Variants in ELMOD3 observed in about 807,000 individuals in gnomAD.
The protein encoded by ELMOD3 is ELMO domain containing 3, also known as ELMO domain-containing protein 3.
A neutral mutation model predicts 47.4 loss-of-function variants in ELMOD3; 36 were observed. The observed-to-expected ratio is 0.76, with a 90% CI of 0.58 to 1.00. The LOEUF is 1.00. ELMOD3 is among the 50% of genes least tolerant of loss of function. The pLI, the probability that ELMOD3 is intolerant of heterozygous loss-of-function variation, is 0.00. For missense variants in ELMOD3, 404 were observed against 463.8 expected (o/e 0.87, Z 1.18); for synonymous variants, 149 against 183.5 (o/e 0.81, Z 1.52).
In ELMOD3 at chr2:85,357,402, C is replaced by T. The variant is rs563488059; in HGVS notation, c.54+150C>T. 3.5e-4 allele frequency: 164 copies of T among 469,236 alleles called. No individual in the cohort carries two copies. In the South Asian group the frequency reaches 6.6e-3, roughly 19 times the overall value. 29.1% of individuals were successfully genotyped at this position (469,236 alleles called of 1,614,324 possible). On this transcript the variant is annotated intron_variant, in intron 4 of 13. Coordinates refer to ENST00000409013, the MANE Select transcript of ELMOD3 (RefSeq NM_001135022.2). ...TGTAAGAAGGAGCTTCTATTCACCT[C>T]AGGGTCAATTGCTTTTCCTAATAGC...
chr2:85,375,265 G>C (rs1685089837), intron 10 of ELMOD3, among the ~76,000 whole-genome samples: 1 of 152,146 alleles, frequency 6.6e-6, no homozygotes, highest in South Asian at 2.1e-4. Context: ...ACTTTCTTCA[G>C]CTCCACACTT....
rs1274426079 is a variant in ELMOD3, at chr2:85,391,651, C to T, written c.*689C>T. The T allele has an allele frequency of 3.3e-5, 5 of 152,746 alleles. No individual in the cohort carries two copies. Among genetic ancestry groups the T allele is most frequent in the Non-Finnish European group, 7.3e-5 (5 of 68,136 alleles). The allele number at this position is 152,746 out of a possible 1,614,324, so 9.5% of individuals were successfully genotyped here. On this transcript the variant is annotated 3_prime_UTR_variant, in exon 14 of 14. Coordinates refer to ENST00000409013, the MANE Select transcript of ELMOD3 (RefSeq NM_001135022.2). ...TAGCCCCCACAAGCTGGGGCTTCCTCCTGTAGATGCTGTGCATGCCCCATG... is the reference window on the plus strand; with the variant it reads ...TAGCCCCCACAAGCTGGGGCTTCCTTCTGTAGATGCTGTGCATGCCCCATG...
chr2:85,365,045 A>T (rs1684276833), intron 6 of ELMOD3, among the ~76,000 whole-genome samples: 1 of 149,942 alleles, frequency 6.7e-6, no homozygotes, highest in Non-Finnish European at 1.5e-5. Flanking sequence ...CCTGGCTCAA[A>T]TGATCCTCCC....
intron 10 of ELMOD3, among the ~76,000 whole-genome samples, chr2:85,373,439 A>G (rs181491909): frequency 7.1e-6 from 1 of 140,788 alleles, no homozygotes; most frequent in African/African-American, 2.7e-5. Context: ...ATCAACAAAC[A>G]TAATTTTTTT....
intron 4 of ELMOD3, among the ~76,000 whole-genome samples, chr2:85,358,760 C>T (rs928981633): frequency 1.3e-5 from 2 of 151,862 alleles, no homozygotes; most frequent in African/African-American, 4.8e-5. Flanking sequence ...AATACATTCA[C>T]ATGGTTCAAA....
At chr2:85,369,574 C>T (rs947729848) in intron 7 of ELMOD3, among the ~76,000 whole-genome samples, 165 bp from the exon 8 acceptor site, 2 of 152,166 alleles carry the variant, frequency 1.3e-5, no homozygotes, top group Admixed American at 6.5e-5. Flanking sequence ...TCCTCTTCGC[C>T]GACAATGCCA....
intron 11 of ELMOD3, chr2:85,386,994 C>G (rs1303315148): frequency 8.2e-7 from 1 of 1,220,356 alleles, no homozygotes; most frequent in African/African-American, 1.6e-5. Context: ...AAGAGCGAAA[C>G]TCCGTCTCAA....
In ELMOD3 at chr2:85,376,517, A is replaced by G. The variant is rs985658008; in HGVS notation, c.608-827A>G. Among the ~76,000 whole-genome samples the G allele has an allele frequency of 1.3e-5, 2 of 152,106 alleles. No individual in the cohort carries two copies. Among genetic ancestry groups the G allele is most frequent in the Non-Finnish European group, 2.9e-5 (2 of 67,996 alleles). On this transcript the variant is annotated intron_variant, in intron 10 of 13. Transcript: ENST00000409013. The surrounding 1 kb of genome is among the most constrained non-coding windows in gnomAD (Gnocchi z 4.2). ...CTATGTGGCTTCCACATTGCAGAGGAGGCAAGGGGGCTCCTTACCACTGGG... is the reference window on the plus strand; with the variant it reads ...CTATGTGGCTTCCACATTGCAGAGGGGGCAAGGGGGCTCCTTACCACTGGG...
Position 85,366,124 on chromosome 2 carries a change from A to ATTT in ELMOD3, c.200-2546_200-2544dup, listed in dbSNP as rs566714087. On this transcript the variant is annotated intron_variant, in intron 6 of 13. Coordinates refer to ENST00000409013, the MANE Select transcript of ELMOD3 (RefSeq NM_001135022.2). ...CAGGCATCTGCCACATACCCAGCTA[A>ATTT]TTTTTTTTTTTTTTTTTTGTATTTT... is the stretch of plus-strand genomic sequence containing the variant. Among the ~76,000 whole-genome samples, 246 of 135,590 alleles carry ATTT rather than the reference A, an allele frequency of 1.8e-3. 3 individuals are homozygous for ATTT. The highest frequency in any genetic ancestry group is 9.9e-3 in the East Asian group (47 of 4,738). The allele number at this position is 135,590 out of a possible 152,430, so 89.0% of individuals were successfully genotyped here.
At chr2:85,388,622 CA>C (rs1298322439) in intron 11 of ELMOD3, among the ~76,000 whole-genome samples, 1 of 152,160 alleles carries the variant, frequency 6.6e-6, no homozygotes, top group Non-Finnish European at 1.5e-5. Flanking sequence ...AGACCTTCTG[CA>C]GTTCAGCACT....
Position 85,363,099 on chromosome 2 carries a change from C to G in ELMOD3, c.132C>G (p.Ile44Met), listed in dbSNP as rs1041129101. The change falls in exon 6 of 14, where the codon ATC (isoleucine) becomes ATG (methionine). Residue 44 changes from isoleucine (I) to methionine (M), a missense_variant and splice_region_variant. Transcript: ENST00000409013. ...CTAAAGGTCAGCTGCCTCTACAGAT[C>G]TCAGAGTTGAAGAACCATGGCATTC... ...KSVLAFRGIP[I>M]SELKNHGILQ... is the part of the protein sequence containing the mutation. 2 of 1,605,810 alleles carry G rather than the reference C, an allele frequency of 1.2e-6. No homozygotes were observed. Among genetic ancestry groups the G allele is most frequent in the African/African-American group, 2.7e-5 (2 of 74,714 alleles).
chr2:85,369,579 A>G (rs1684640649), intron 7 of ELMOD3, among the ~76,000 whole-genome samples, 160 bp from the exon 8 acceptor site: 1 of 152,232 alleles, frequency 6.6e-6, no homozygotes, highest in Non-Finnish European at 1.5e-5. Flanking sequence ...TTCGCCGACA[A>G]TGCCAGCCTC....
chr2:85,389,910 A>G, intron 12 of ELMOD3, 83 bp downstream of exon 12: 1 of 1,328,580 alleles, frequency 7.5e-7, no homozygotes, highest in Non-Finnish European at 1.1e-6. Context: ...CCCCAGCTCT[A>G]CTCCACCTGC....
At chr2:85,380,317 A>G (rs1014127834) in intron 11 of ELMOD3, among the ~76,000 whole-genome samples, 10 of 152,244 alleles carry the variant, frequency 6.6e-5, no homozygotes, top group Admixed American at 3.9e-4. Flanking sequence ...ACTCTGAAAA[A>G]CAAAACAAAG....
chr2:85,387,071 T>C (rs1464187024), intron 11 of ELMOD3: 1 of 1,300,280 alleles, frequency 7.7e-7, no homozygotes, highest in African/African-American at 1.5e-5. Context: ...GTTGTTACCA[T>C]ACTGTTTTTC....
At chr2:85,373,596 C>G (rs139452523) in intron 10 of ELMOD3, among the ~76,000 whole-genome samples, 1 of 151,646 alleles carries the variant, frequency 6.6e-6, no homozygotes, top group African/African-American at 2.4e-5. Context: ...ATCCCAGCAC[C>G]TTGGGAGGCC....
intron 5 of ELMOD3, 35 bp from the exon 6 acceptor site, chr2:85,363,062 T>A: frequency 7.1e-7 from 1 of 1,399,484 alleles, no homozygotes; most frequent in Non-Finnish European, 1.0e-6. Context: ...GTATGTGGAT[T>A]CTATCCTCAA....
chr2:85,376,285 T>G lies in ELMOD3; in HGVS notation c.608-1059T>G, dbSNP rs1685162735. On this transcript the variant is annotated intron_variant, in intron 10 of 13. Coordinates refer to ENST00000409013, the MANE Select transcript of ELMOD3 (RefSeq NM_001135022.2). This position sits in a 1 kb window ranked among gnomAD's most constrained non-coding sequence, Gnocchi z 4.2. ...ATTGTATCTTAGACATTTTGGGTAG[T>G]CTGTATGAGACTCTGGATCTTACTT... 6.6e-6 allele frequency among the ~76,000 whole-genome samples: 1 copy of G among 152,218 alleles called. No individual in the cohort carries two copies. The highest frequency in any genetic ancestry group is 1.5e-5 in the Non-Finnish European group (1 of 68,038).
At position 85,360,778 on chromosome 2, in the gene ELMOD3, A is replaced by C. The variant is rs778575268; in HGVS notation, c.55-1408A>C. 2.4e-5 allele frequency: 6 copies of C among 253,112 alleles called. No individual in the cohort carries two copies. The Admixed American group carries it at 2.4e-4, about 10-fold the overall frequency. 15.7% of individuals were successfully genotyped at this position (253,112 alleles called of 1,614,324 possible). A position where few individuals can be genotyped will look rare whatever the true frequency, so the allele number is the denominator to read the frequency against. On this transcript the variant is annotated intron_variant, in intron 4 of 13. Transcript: ENST00000409013. ...ACAAACTTAGGCTCATAAGCCCTTT[A>C]CATTTTTACATAATCTTTAATGATG...
Sources: allele counts gnomAD v4.1 joint callset (sites outside exome capture counted in the v4.1 genomes callset), GRCh38; gene constraint gnomAD v4.1.1; non-coding constraint Gnocchi (gnomAD v3.1); transcripts MANE v1.5; gene names NCBI Gene and HGNC (gene_info 2026-07-23, HGNC 2026-07-21).